C2CD3: variants seen among roughly 807,000 people sequenced by gnomAD.
The protein encoded by C2CD3 is C2 domain-containing protein 3.
Under a neutral mutation model 234.0 loss-of-function variants are expected in C2CD3, and 148 were observed. The observed-to-expected ratio is 0.63, with a 90% CI of 0.55 to 0.72. The LOEUF (loss-of-function observed/expected upper bound fraction) is 0.72. Ranked by LOEUF, C2CD3 falls within the 30% of genes least tolerant of loss-of-function variation. C2CD3 has a pLI of 0.00. For missense variants in C2CD3, 2,577 were observed against 2,811.5 expected, an observed-to-expected ratio of 0.92 and a Z score of 1.89; for synonymous variants, 1,000 against 1,035.4, an observed-to-expected ratio of 0.97 and a Z score of 0.66.
rs1329981192 is a variant in C2CD3 at position 74,130,140 on chromosome 11, AGGGAGAG to A, written c.1217+2697_1217+2703del. Among the ~76,000 whole-genome samples the A allele has an allele frequency of 5.8e-3, 596 of 102,678 alleles. 5 individuals carry two copies. The highest frequency in any genetic ancestry group is 0.023 in the African/African-American group (540 of 23,544). The allele number at this position is 102,678 out of a possible 152,430, so 67.4% of individuals were successfully genotyped here. On this transcript the variant is annotated intron_variant, in intron 7 of 32. Coordinates refer to ENST00000334126, the MANE Select transcript of C2CD3 (RefSeq NM_001286577.2). ...TGGGGAGGGGGAGAGGGAGAGGGAG[AGGGAGAG>A]GGGAGAGGGGAGAGGGGAGAGGGGC... is the stretch of plus-strand genomic sequence containing the variant.
chr11:74,145,473 T>C (rs781306191), intron 3 of C2CD3, among the ~76,000 whole-genome samples: 5 of 152,202 alleles, frequency 3.3e-5, no homozygotes, highest in Non-Finnish European at 7.3e-5. Context: ...CTTTGTCAGA[T>C]GTATAGCTTG....
At chr11:74,083,053 C>A (rs1167253191) in intron 22 of C2CD3, among the ~76,000 whole-genome samples, 3 of 152,164 alleles carry the variant, frequency 2.0e-5, no homozygotes, top group Non-Finnish European at 2.9e-5. Context: ...TACTACAAGG[C>A]TACGGTAACC....
At chr11:74,017,736 C>T (rs865778418) in intron 32 of C2CD3, among the ~76,000 whole-genome samples, 6 of 152,208 alleles carry the variant, frequency 3.9e-5, no homozygotes, top group African/African-American at 7.2e-5. Flanking sequence ...GGGCTTATCC[C>T]GGCCCTTGGC....
At chr11:74,092,860 G>C (rs1032638095) in intron 18 of C2CD3, among the ~76,000 whole-genome samples, 1 of 152,130 alleles carries the variant, frequency 6.6e-6, no homozygotes, top group South Asian at 2.1e-4. Context: ...GGCCACTCCT[G>C]AAAGCTTCCA....
chr11:74,093,745 G>T (rs1955988885), intron 18 of C2CD3, 71 bp downstream of exon 18: 4 of 1,210,894 alleles, frequency 3.3e-6, no homozygotes, highest in African/African-American at 1.5e-5. Context: ...AACCTAGGCT[G>T]GTTAGGAGTA....
intron 22 of C2CD3, among the ~76,000 whole-genome samples, chr11:74,080,484 C>T (rs1298677386): frequency 6.6e-6 from 1 of 152,064 alleles, no homozygotes; most frequent in Non-Finnish European, 1.5e-5. Context: ...ATTATGCCCC[C>T]CAAAATAAAC....
rs1957747209 is a variant in C2CD3 at position 74,133,468 on chromosome 11, C to T, written c.1045G>A (p.Val349Ile). ...GAATCTTCATTAATAGGAGGATGAA[C>T]TTGGTCCAACAACATGCTGGTCTCT... The part of the protein sequence containing the change: ...SPETSMLLDQ[V>I]HPPINEDSLR... The change falls in exon 6 of 33, where the codon GTT becomes ATT. Residue 349 changes from valine to isoleucine, a missense_variant. Transcript: ENST00000334126. The T allele has an allele frequency of 6.2e-7, 1 of 1,613,730 alleles. No homozygotes were observed. The highest frequency in any genetic ancestry group is 8.5e-7 in the Non-Finnish European group (1 of 1,179,758).
intron 32 of C2CD3, among the ~76,000 whole-genome samples, chr11:74,022,938 C>A (rs781150221): frequency 5.9e-5 from 9 of 152,246 alleles, no homozygotes; most frequent in Admixed American, 6.5e-5. Context: ...GGCCCCTATA[C>A]TCTACCTGTG....
At chr11:74,150,873 T>G (rs898891048) in intron 3 of C2CD3, among the ~76,000 whole-genome samples, 4 of 152,152 alleles carry the variant, frequency 2.6e-5, no homozygotes, top group Non-Finnish European at 1.5e-5. Flanking sequence ...TTGGTTTCTA[T>G]GAATCAGGAT....
chr11:74,075,703 T>A (rs1377087513), intron 23 of C2CD3, among the ~76,000 whole-genome samples: 1 of 152,244 alleles, frequency 6.6e-6, no homozygotes, highest in Non-Finnish European at 1.5e-5. Flanking sequence ...TAACCAGTTT[T>A]CTTCTCAAAG....
In C2CD3 at chr11:74,161,623, T is replaced by C. The variant is rs76845675; in HGVS notation, c.326-67A>G. On this transcript the variant is annotated intron_variant, in intron 2 of 32. Coordinates refer to ENST00000334126, the MANE Select transcript of C2CD3 (RefSeq NM_001286577.2). ...TTTATTTTCTTTTTTAAGACGTGGGTAGAGGGGTATATGCGGAAAAGCTTT... is the reference window on the plus strand; with the variant it reads ...TTTATTTTCTTTTTTAAGACGTGGGCAGAGGGGTATATGCGGAAAAGCTTT... The C allele has an allele frequency of 0.051, 55,711 of 1,083,172 alleles. 1,667 individuals carry two copies. Among genetic ancestry groups the C allele is most frequent in the Middle Eastern group, 0.083 (388 of 4,694 alleles). The allele number at this position is 1,083,172 out of a possible 1,614,324, so 67.1% of individuals were successfully genotyped here. A position where few individuals can be genotyped will look rare whatever the true frequency, so the allele number is the denominator to read the frequency against.
chr11:74,059,689 A>T (rs1158417927), intron 24 of C2CD3, among the ~76,000 whole-genome samples: 1 of 152,240 alleles, frequency 6.6e-6, no homozygotes, highest in African/African-American at 2.4e-5. Context: ...GAATAGGAAC[A>T]GCTCCAGTCT....
At position 74,085,893 on chromosome 11, in the gene C2CD3, A is replaced by T; in HGVS notation, c.3642-7T>A. The T allele has an allele frequency of 6.2e-7, 1 of 1,601,396 alleles. No individual in the cohort carries two copies. The highest frequency in any genetic ancestry group is 8.5e-7 in the Non-Finnish European group (1 of 1,171,500). On this transcript the variant is annotated splice_region_variant and splice_polypyrimidine_tract_variant and intron_variant, in intron 20 of 32. Coordinates refer to ENST00000334126, the MANE Select transcript of C2CD3 (RefSeq NM_001286577.2). Reference sequence around the variant, plus strand: ...TTCCCGTTCAGCCAAAGCCCTGTAGAGGAGAAGGGTGGAAATGAGAAGATA... The same window carrying T: ...TTCCCGTTCAGCCAAAGCCCTGTAGTGGAGAAGGGTGGAAATGAGAAGATA...
At chr11:74,122,094 T>C (rs1396558386) in intron 8 of C2CD3, among the ~76,000 whole-genome samples, 2 of 152,256 alleles carry the variant, frequency 1.3e-5, no homozygotes, top group Admixed American at 6.5e-5. Context: ...TTGGCTGCAA[T>C]GTGCCAGCCT....
intron 3 of C2CD3, among the ~76,000 whole-genome samples, chr11:74,148,810 T>C (rs1855395555): frequency 6.6e-6 from 1 of 152,136 alleles, no homozygotes; most frequent in Admixed American, 6.5e-5. Flanking sequence ...TACCCCTCTT[T>C]TCAGGAGAGA....
chr11:74,030,636 T>TCTGAG (rs2135410248), intron 31 of C2CD3, among the ~76,000 whole-genome samples: 1 of 152,308 alleles, frequency 6.6e-6, no homozygotes, highest in South Asian at 2.1e-4. Flanking sequence ...CTGGAGATGC[T>TCTGAG]CAGAGTCTGC....
chr11:74,163,112 T>C (rs1458051044), intron 2 of C2CD3, among the ~76,000 whole-genome samples: 2 of 152,132 alleles, frequency 1.3e-5, no homozygotes, highest in African/African-American at 4.8e-5. Flanking sequence ...GTTGAGAAAA[T>C]GGTTCGTTTT....
chr11:74,063,543 A>G (rs1954355248), intron 24 of C2CD3, among the ~76,000 whole-genome samples: 1 of 152,242 alleles, frequency 6.6e-6, no homozygotes, highest in African/African-American at 2.4e-5. Context: ...GATTATCTCA[A>G]TAGATGCAGA....
chr11:74,110,468 A>C (rs1956703305), intron 11 of C2CD3: 1 of 152,262 alleles, frequency 6.6e-6, no homozygotes, highest in African/African-American at 2.4e-5. Context: ...TATGAACAAA[A>C]GGTCTGGGGC....
Sources: allele counts gnomAD v4.1 joint callset (sites outside exome capture counted in the v4.1 genomes callset), GRCh38; gene constraint gnomAD v4.1.1; transcripts MANE v1.5; gene names NCBI Gene and HGNC (gene_info 2026-07-23, HGNC 2026-07-21).